GCA: variants seen among roughly 807,000 people sequenced by gnomAD.
GCA encodes grancalcin.
In GCA, 30 loss-of-function variants were observed where a neutral mutation model predicts 32.6. That is an observed-to-expected ratio of 0.92 (90% CI 0.69 to 1.25). GCA has a LOEUF of 1.25. Among genes scored for constraint, GCA ranks in the 50% most tolerant of loss-of-function variants. The probability of loss-of-function intolerance (pLI) is 0.00; values close to 1 mark genes in which losing one functional copy is unlikely to be tolerated. For missense variants in GCA, 291 were observed against 266.8 expected (o/e 1.09, Z -0.63); for synonymous variants, 102 against 84.6 (o/e 1.21, Z -1.13).
upstream of GCA, chr2:162,343,984 C>T (rs1684540671): frequency 3.9e-6 from 2 of 518,104 alleles, no homozygotes; most frequent in Non-Finnish European, 7.0e-6. Flanking sequence ...TGTAGCCAAT[C>T]AGGGCAGAGA....
At chr2:162,344,380 C>T in intron 1 of GCA, 105 bp downstream of exon 1, 1 of 1,097,444 alleles carries the variant, frequency 9.1e-7, no homozygotes, top group Non-Finnish European at 1.4e-6. Context: ...TCCCTGCGTC[C>T]GCGCCTGGTA....
downstream of GCA, among the ~76,000 whole-genome samples, chr2:162,363,657 A>G (rs1240746494): frequency 6.6e-6 from 1 of 151,440 alleles, no homozygotes; most frequent in Non-Finnish European, 1.5e-5. Flanking sequence ...ACTTAGGAAA[A>G]ATATTTCTGA....
chr2:162,369,595 A>G (rs1463936306), intron 4 of GCA, among the ~76,000 whole-genome samples: 3 of 152,162 alleles, frequency 2.0e-5, no homozygotes, highest in Non-Finnish European at 2.9e-5. Context: ...GTCATACCAA[A>G]TGTTGCAGCT....
chr2:162,344,045 A>T, upstream of GCA: 1 of 609,124 alleles, frequency 1.6e-6, no homozygotes, highest in Non-Finnish European at 3.0e-6. Context: ...AGTTGGCTCC[A>T]AAGTGTGGGA....
At chr2:162,349,206 A>G (rs1257211997) in intron 2 of GCA, among the ~76,000 whole-genome samples, 3 of 152,236 alleles carry the variant, frequency 2.0e-5, no homozygotes, top group Admixed American at 1.3e-4. Context: ...ATCAGTGGGG[A>G]AAGAATGATT....
At position 162,356,854 on chromosome 2, in the gene GCA, G is replaced by A. The variant is rs753704592; in HGVS notation, c.403G>A (p.Gly135Arg). ...KENFMTVDQDGSGTVEHHELR... is the reference protein window; with the variant it reads ...KENFMTVDQDRSGTVEHHELR... ...AAACTTCATGACTGTTGATCAAGAT[G>A]GAAGTGGCACAGTAGAACATCATGA... The change falls in exon 5 of 8, where the codon GGA becomes AGA. Residue 135 changes from glycine (G) to arginine (R), a missense_variant. Transcript: ENST00000437150. 1 of 1,610,434 alleles carries A rather than the reference G, an allele frequency of 6.2e-7. No individual in the cohort carries two copies. The highest frequency in any genetic ancestry group is 8.5e-7 in the Non-Finnish European group (1 of 1,177,342).
At chr2:162,329,394 C>T (rs148077318) in intron 1 of GCA, among the ~76,000 whole-genome samples, 25 of 152,186 alleles carry the variant, frequency 1.6e-4, no homozygotes, top group African/African-American at 5.5e-4. Flanking sequence ...AACTTTTGAG[C>T]TGCTAAATCA....
At chr2:162,366,276 A>C (rs78692045), downstream of GCA, among the ~76,000 whole-genome samples, 3,126 of 151,850 alleles carry the variant, frequency 0.021, 216 homozygotes, top group Admixed American at 0.15. Flanking sequence ...TAATCTTGCT[A>C]TTCTCATTTA....
rs1434830848 is a variant in GCA at position 162,361,049 on chromosome 2, TAATTA to T, written c.*811_*815del. The T allele has an allele frequency of 3.8e-5, 37 of 971,672 alleles. No individual in the cohort carries two copies. Among genetic ancestry groups the T allele is most frequent in the Non-Finnish European group, 4.5e-5 (36 of 803,858 alleles). The allele number at this position is 971,672 out of a possible 1,614,324, so 60.2% of individuals were successfully genotyped here. On this transcript the variant is annotated 3_prime_UTR_variant, in exon 8 of 8. Coordinates refer to ENST00000437150, the MANE Select transcript of GCA (RefSeq NM_012198.5). Reference sequence around the variant, plus strand: ...GATATGTCAACATTCAAAATTGTCCTAATTAAATTGTTGTTTAAATGTAATGTCAA... The same window carrying T: ...GATATGTCAACATTCAAAATTGTCCTAATTGTTGTTTAAATGTAATGTCAA...
chr2:162,372,119 GT>G (rs768108406), downstream of GCA: 324 of 1,572,946 alleles, frequency 2.1e-4, no homozygotes, highest in Non-Finnish European at 2.7e-4. Flanking sequence ...AACAAAACAA[GT>G]TTTTATAATT....
intron 3 of GCA, 38 bp downstream of exon 3, chr2:162,352,445 G>A (rs750009648): frequency 4.2e-5 from 51 of 1,205,588 alleles, no homozygotes; most frequent in African/African-American, 7.5e-5. Context: ...AATTATAATA[G>A]GAAGTTTATT....
intron 7 of GCA, among the ~76,000 whole-genome samples, chr2:162,359,789 T>TA (rs889518983): frequency 1.3e-3 from 194 of 148,434 alleles, no homozygotes; most frequent in Admixed American, 2.9e-3. Context: ...TTTTTTGAAT[T>TA]AAAAAAAAAA....
chr2:162,345,340 C>T (rs574801872), intron 1 of GCA, among the ~76,000 whole-genome samples: 2 of 152,226 alleles, frequency 1.3e-5, no homozygotes, highest in East Asian at 3.9e-4. Flanking sequence ...AAAGCCCCTT[C>T]GAAGATTAAT....
chr2:162,325,272 C>T (rs1683833909), intron 1 of GCA, among the ~76,000 whole-genome samples: 1 of 152,148 alleles, frequency 6.6e-6, no homozygotes, highest in Non-Finnish European at 1.5e-5. Flanking sequence ...CTGGTGGCCA[C>T]TAAAGCTTCT....
At chr2:162,343,053 C>T (rs1049894286), upstream of GCA, among the ~76,000 whole-genome samples, 7 of 152,222 alleles carry the variant, frequency 4.6e-5, no homozygotes, top group African/African-American at 1.7e-4. Context: ...AATTGTTTCA[C>T]AAGGTCCAAC....
chr2:162,357,089 T>C, intron 5 of GCA, 184 bp downstream of exon 5: 1 of 461,870 alleles, frequency 2.2e-6, no homozygotes, highest in East Asian at 3.1e-5. Context: ...ATTTTAATTA[T>C]GATTTTTTTC....
intron 4 of GCA, among the ~76,000 whole-genome samples, chr2:162,368,196 C>G (rs1247218064): frequency 6.6e-6 from 1 of 151,920 alleles, no homozygotes; most frequent in East Asian, 1.9e-4. Context: ...CTTTGAGGAC[C>G]ACTGTCCTGT....
At chr2:162,321,905 T>G (rs1297964036) in intron 1 of GCA, among the ~76,000 whole-genome samples, 13 of 110,286 alleles carry the variant, frequency 1.2e-4, no homozygotes, top group Non-Finnish European at 2.3e-4. Flanking sequence ...TATATATATA[T>G]ATATATATAT....
At chr2:162,372,254 G>A (rs1406134395), downstream of GCA, among the ~76,000 whole-genome samples, 5 of 152,052 alleles carry the variant, frequency 3.3e-5, 1 homozygote, top group East Asian at 1.9e-4. Flanking sequence ...TCAGGACGTC[G>A]GAGATTGGTT....
Sources: allele counts gnomAD v4.1 joint callset (sites outside exome capture counted in the v4.1 genomes callset), GRCh38; gene constraint gnomAD v4.1.1; transcripts MANE v1.5; gene names NCBI Gene and HGNC (gene_info 2026-07-23, HGNC 2026-07-21).